CENPW: variants seen among roughly 807,000 people sequenced by gnomAD.
The protein encoded by CENPW is cancer-up-regulated gene 2 protein.
In CENPW, 3 loss-of-function variants were observed where a neutral mutation model predicts 11.1. The ratio of observed to expected loss-of-function variants is 0.27; its 90% CI spans 0.12 to 0.70. CENPW has a LOEUF of 0.70. Ranked by LOEUF, CENPW falls within the 30% of genes least tolerant of loss-of-function variation. The probability of loss-of-function intolerance (pLI) is 0.77; values close to 1 mark genes in which losing one functional copy is unlikely to be tolerated. For synonymous variants in CENPW, 38 were observed against 42.0 expected (o/e 0.91, Z 0.37); for missense variants, 100 against 105.6 (o/e 0.95, Z 0.23).
the CENPW span, among the ~76,000 whole-genome samples, chr6:126,397,160 T>G: frequency 6.6e-6 from 1 of 152,088 alleles, no homozygotes; most frequent in Non-Finnish European, 1.5e-5. Flanking sequence ...AGACTGCCTT[T>G]CAATTTTATT....
intron 1 of CENPW, among the ~76,000 whole-genome samples, chr6:126,344,305 A>G (rs148276047): frequency 3.9e-5 from 6 of 152,338 alleles, no homozygotes; most frequent in South Asian, 4.1e-4. Context: ...AGAGAAGTCT[A>G]TAAACAAGTA....
chr6:126,376,165 G>A, the CENPW span, among the ~76,000 whole-genome samples: 1 of 152,142 alleles, frequency 6.6e-6, no homozygotes. Context: ...ATACTGAGGC[G>A]AGTGAATGAA....
chr6:126,439,484 G>A, the CENPW span, among the ~76,000 whole-genome samples: 1 of 151,562 alleles, frequency 6.6e-6, no homozygotes, highest in Non-Finnish European at 1.5e-5. Context: ...ATGCATGTAT[G>A]AGGGTTTTCT....
the CENPW span, among the ~76,000 whole-genome samples, chr6:126,458,686 G>T: frequency 6.6e-6 from 1 of 151,160 alleles, no homozygotes; most frequent in Non-Finnish European, 1.5e-5. Flanking sequence ...CTTATTAATG[G>T]CATTACCTAT....
At chr6:126,465,011 G>A in the CENPW span, among the ~76,000 whole-genome samples, 3 of 151,990 alleles carry the variant, frequency 2.0e-5, no homozygotes, top group Admixed American at 6.6e-5. Flanking sequence ...GTTCTAGTGA[G>A]TACAATCAGG....
the CENPW span, among the ~76,000 whole-genome samples, chr6:126,395,026 T>C: frequency 2.0e-5 from 3 of 152,244 alleles, no homozygotes; most frequent in African/African-American, 7.2e-5. Flanking sequence ...CTTCTTTGGG[T>C]TAAATCATTT....
the CENPW span, among the ~76,000 whole-genome samples, chr6:126,469,105 A>G: frequency 3.3e-5 from 5 of 152,036 alleles, no homozygotes; most frequent in East Asian, 9.6e-4. Flanking sequence ...GCATTTCTAT[A>G]TCTATGTATC....
chr6:126,414,411 C>G, the CENPW span, among the ~76,000 whole-genome samples: 1 of 152,084 alleles, frequency 6.6e-6, no homozygotes, highest in Admixed American at 6.6e-5. Flanking sequence ...GATCATAAAA[C>G]AAGTCTCAAC....
At chr6:126,418,990 T>C in the CENPW span, among the ~76,000 whole-genome samples, 182 of 150,514 alleles carry the variant, frequency 1.2e-3, no homozygotes, top group African/African-American at 4.1e-3. Flanking sequence ...AAATGATGAG[T>C]TAATGGGTGC....
At chr6:126,468,975 G>T in the CENPW span, among the ~76,000 whole-genome samples, 2 of 152,026 alleles carry the variant, frequency 1.3e-5, no homozygotes, top group Non-Finnish European at 2.9e-5. Context: ...GCTAATTTTT[G>T]TATTTTTGGT....
At chr6:126,398,918 A>G in the CENPW span, among the ~76,000 whole-genome samples, 6 of 151,674 alleles carry the variant, frequency 4.0e-5, no homozygotes, top group Admixed American at 6.6e-5. Flanking sequence ...GCAGTATTTG[A>G]TTCCGTTCCT....
the CENPW span, among the ~76,000 whole-genome samples, chr6:126,408,395 C>T: frequency 6.6e-6 from 1 of 152,082 alleles, no homozygotes; most frequent in Admixed American, 6.6e-5. Context: ...GGGGAACTCC[C>T]CTTTATAAAA....
chr6:126,382,570 A>G, the CENPW span, among the ~76,000 whole-genome samples: 2 of 152,154 alleles, frequency 1.3e-5, no homozygotes, highest in Non-Finnish European at 2.9e-5. Flanking sequence ...GCTGACAGAA[A>G]AAAATAGCCA....
At chr6:126,459,366 G>A in the CENPW span, among the ~76,000 whole-genome samples, 175 of 151,598 alleles carry the variant, frequency 1.2e-3, 1 homozygote, top group East Asian at 0.031. Context: ...ATAAACTCCA[G>A]AATGATGAGA....
chr6:126,365,223 A>G, the CENPW span, among the ~76,000 whole-genome samples: 2 of 152,154 alleles, frequency 1.3e-5, no homozygotes, highest in Non-Finnish European at 2.9e-5. Context: ...TGGAATTGTG[A>G]CCTAATTATA....
chr6:126,383,852 T>A, the CENPW span, among the ~76,000 whole-genome samples: 1 of 152,272 alleles, frequency 6.6e-6, no homozygotes, highest in African/African-American at 2.4e-5. Flanking sequence ...ACTGACAGTA[T>A]GAGACAGGTC....
At chr6:126,445,802 T>C in the CENPW span, among the ~76,000 whole-genome samples, 21 of 151,354 alleles carry the variant, frequency 1.4e-4, no homozygotes, top group Middle Eastern at 3.4e-3. Flanking sequence ...TTATTTTACT[T>C]ATAAAAGACT....
chr6:126,459,266 G>A, the CENPW span, among the ~76,000 whole-genome samples: 4 of 151,180 alleles, frequency 2.6e-5, no homozygotes, highest in Admixed American at 2.6e-4. Context: ...CAATTTGCTA[G>A]AGAGTCTATA....
the CENPW span, among the ~76,000 whole-genome samples, chr6:126,365,250 C>T: frequency 6.6e-6 from 1 of 152,180 alleles, no homozygotes; most frequent in East Asian, 1.9e-4. Context: ...GAGGAATTTA[C>T]ATGAGTTGCA....
Sources: allele counts gnomAD v4.1 joint callset (sites outside exome capture counted in the v4.1 genomes callset), GRCh38; gene constraint gnomAD v4.1.1; transcripts MANE v1.5; gene names NCBI Gene and HGNC (gene_info 2026-07-23, HGNC 2026-07-21).